The following KCTD17 variants were observed in gnomAD, a reference collection of about 807,000 sequenced individuals.
KCTD17 encodes potassium channel tetramerization domain containing 17, also known as BTB/POZ domain-containing protein KCTD17.
KCTD17 carries 20 observed loss-of-function variants against 41.5 expected under a neutral mutation model. The observed-to-expected ratio is 0.48, with a 90% CI of 0.34 to 0.70. KCTD17 has a LOEUF of 0.70. Ranked by LOEUF, KCTD17 falls within the 30% of genes least tolerant of loss-of-function variation. The pLI, the probability that KCTD17 is intolerant of heterozygous loss-of-function variation, is 0.01. For synonymous variants in KCTD17, 156 were observed against 173.8 expected (o/e 0.90, Z 0.80); for missense variants, 317 against 427.2 (o/e 0.74, Z 2.27).
At position 37,053,234 on chromosome 22, in the gene KCTD17, G is replaced by A; in HGVS notation, c.298+26G>A. On this transcript the variant is annotated intron_variant, in intron 2 of 8. Coordinates refer to ENST00000403888, the MANE Select transcript of KCTD17 (RefSeq NM_001282684.2). This position sits in a 1 kb window ranked among gnomAD's most constrained non-coding sequence, Gnocchi z 4.1. ...GTGAGTTGGTCCAGGGGGCTGGCCT[G>A]GACCTTATGCAGCCTGCCAGGGCCC... is the stretch of plus-strand genomic sequence containing the variant. The A allele has an allele frequency of 6.5e-7, 1 of 1,543,292 alleles. No homozygotes were observed. Among genetic ancestry groups the A allele is most frequent in the Middle Eastern group, 1.7e-4 (1 of 6,000 alleles).
chr22:37,057,619 G>A (rs1206661196), intron 4 of KCTD17, 126 bp downstream of exon 4: 1 of 703,804 alleles, frequency 1.4e-6, no homozygotes, highest in Non-Finnish European at 2.4e-6. Flanking sequence ...CCAACCCCAG[G>A]GTTCTTCTGA....
rs1925978811 is a variant in KCTD17, at chr22:37,063,064, AAC to A, written c.*473_*474del. On this transcript the variant is annotated 3_prime_UTR_variant, in exon 9 of 9. Coordinates refer to ENST00000403888, the MANE Select transcript of KCTD17 (RefSeq NM_001282684.2). This position sits in a 1 kb window ranked among gnomAD's most constrained non-coding sequence, Gnocchi z 4.6. ...AGGACCCAGCCCGACCCCTGGGCAT[AAC>A]ACTGTGTTTGCAAATGGAGATTCAG... 1 of 159,622 alleles carries A rather than the reference AAC, an allele frequency of 6.3e-6. No individual in the cohort carries two copies. The highest frequency in any genetic ancestry group is 1.9e-4 in the South Asian group (1 of 5,148). 9.9% of individuals were successfully genotyped at this position (159,622 alleles called of 1,614,324 possible).
rs752645202 is a variant in KCTD17 at position 37,059,303 on chromosome 22, G to C, written c.487-10G>C. Reference sequence around the variant, plus strand: ...ACCTGCATTTTTCTCCCCATGCTCCGCCCCTCTAGCTGGTGAACATCGGCT... The same window carrying C: ...ACCTGCATTTTTCTCCCCATGCTCCCCCCCTCTAGCTGGTGAACATCGGCT... On this transcript the variant is annotated splice_polypyrimidine_tract_variant and intron_variant, in intron 4 of 8. Transcript: ENST00000403888. 4 of 1,611,560 alleles carry C rather than the reference G, an allele frequency of 2.5e-6. No individual in the cohort carries two copies. Among genetic ancestry groups the C allele is most frequent in the Admixed American group, 3.3e-5 (2 of 59,976 alleles).
At position 37,057,136 on chromosome 22, in the gene KCTD17, A is replaced by G. The variant is rs150660811; in HGVS notation, c.391-262A>G. Among the ~76,000 whole-genome samples the G allele has an allele frequency of 5.5e-4, 83 of 152,274 alleles. 2 individuals carry two copies. The East Asian group carries it at 0.016, about 29-fold the overall frequency. On this transcript the variant is annotated intron_variant, in intron 3 of 8. Transcript: ENST00000403888. ...CCCTTGAGCTGGGTGACCTTGGGCA[A>G]GTAACTGGACCTCTCTGAGCCTCAA...
At chr22:37,057,363 C>A in intron 3 of KCTD17, 35 bp from the exon 4 acceptor site, 1 of 1,576,490 alleles carries the variant, frequency 6.3e-7, no homozygotes, top group Non-Finnish European at 8.7e-7. Flanking sequence ...CTGGTGCTCC[C>A]ACAGGTGCCC....
Position 37,062,509 on chromosome 22 carries a change from CCT to C in KCTD17, c.876-13_876-12del, listed in dbSNP as rs754259514. On this transcript the variant is annotated splice_polypyrimidine_tract_variant and intron_variant, in intron 8 of 8. Transcript: ENST00000403888. ...GCCCCTCCCATCCTCCTGCCCTTCC[CCT>C]CTTTTTTTTCTAGCTGTTACAAGCC... The C allele has an allele frequency of 6.5e-5, 104 of 1,611,870 alleles. No homozygotes were observed. Among genetic ancestry groups the C allele is most frequent in the Non-Finnish European group, 5.3e-5 (62 of 1,179,238 alleles).
chr22:37,061,018 C>A lies in KCTD17; in HGVS notation c.713-86C>A, dbSNP rs149632662. 921 of 1,548,348 alleles carry A rather than the reference C, an allele frequency of 5.9e-4. 7 individuals are homozygous for A. In the African/African-American group the frequency reaches 0.011, roughly 19 times the overall value. ...AGCTGCAGAACCGGGGGCCCCGGGG[C>A]TGCTGGGGGGGCACCAGGGTTAGCT... On this transcript the variant is annotated intron_variant, in intron 6 of 8. Transcript: ENST00000403888. The surrounding 1 kb of genome is among the most constrained non-coding windows in gnomAD (Gnocchi z 6.6).
In KCTD17 at chr22:37,061,333, C is replaced by T; in HGVS notation, c.784+158C>T. 2 of 1,491,448 alleles carry T rather than the reference C, an allele frequency of 1.3e-6. No individual in the cohort carries two copies. The highest frequency in any genetic ancestry group is 1.3e-5 in the South Asian group (1 of 75,416). The allele number at this position is 1,491,448 out of a possible 1,614,324, so 92.4% of individuals were successfully genotyped here. On this transcript the variant is annotated intron_variant, in intron 7 of 8. Transcript: ENST00000403888. The surrounding 1 kb of genome is among the most constrained non-coding windows in gnomAD (Gnocchi z 6.6). ...CCTCCCGTGCCCTCCACCCAGGCCC[C>T]CTGGCCCTGCATCCCAGAGCGTCCT...
rs766521424 is a variant in KCTD17 at position 37,062,462 on chromosome 22, C to A, written c.876-63C>A. Reference sequence around the variant, plus strand: ...TCCGCCCCCTTGCCCTGCATCACCCCCTCCTTACCGGCCCCACCTCCGCCC... The same window carrying A: ...TCCGCCCCCTTGCCCTGCATCACCCACTCCTTACCGGCCCCACCTCCGCCC... On this transcript the variant is annotated intron_variant, in intron 8 of 8. Coordinates refer to ENST00000403888, the MANE Select transcript of KCTD17 (RefSeq NM_001282684.2). The A allele has an allele frequency of 7.0e-6, 11 of 1,563,226 alleles. No individual in the cohort carries two copies. The East Asian group carries it at 1.2e-4, about 17-fold the overall frequency.
chr22:37,057,094 C>T (rs915858625), intron 3 of KCTD17, among the ~76,000 whole-genome samples: 3 of 152,152 alleles, frequency 2.0e-5, no homozygotes, highest in Admixed American at 1.3e-4. Context: ...ACCCGTGTTC[C>T]GGTTCTGTCT....
chr22:37,062,775 G>A lies in KCTD17; in HGVS notation c.*181G>A. On this transcript the variant is annotated 3_prime_UTR_variant, in exon 9 of 9. Coordinates refer to ENST00000403888, the MANE Select transcript of KCTD17 (RefSeq NM_001282684.2). ...GGGCCCCAGGACCTCTGGGCAGAGT[G>A]GACTGCTCATGGCAGATGTGTGGCA... The A allele has an allele frequency of 7.4e-7, 1 of 1,347,626 alleles. No individual in the cohort carries two copies. The highest frequency in any genetic ancestry group is 9.8e-7 in the Non-Finnish European group (1 of 1,018,660). 83.5% of individuals were successfully genotyped at this position (1,347,626 alleles called of 1,614,324 possible).
At position 37,061,312 on chromosome 22, in the gene KCTD17, C is replaced by T. The variant is rs1375000257; in HGVS notation, c.784+137C>T. The T allele has an allele frequency of 3.3e-6, 5 of 1,510,502 alleles. No homozygotes were observed. Among genetic ancestry groups the T allele is most frequent in the Admixed American group, 2.0e-5 (1 of 49,578 alleles). 93.6% of individuals were successfully genotyped at this position (1,510,502 alleles called of 1,614,324 possible). ...CCGGGTCTGCCCTGGTCCCAGCCTC[C>T]CGTGCCCTCCACCCAGGCCCCCTGG... is the stretch of plus-strand genomic sequence containing the variant. On this transcript the variant is annotated intron_variant, in intron 7 of 8. Coordinates refer to ENST00000403888, the MANE Select transcript of KCTD17 (RefSeq NM_001282684.2). This position sits in a 1 kb window ranked among gnomAD's most constrained non-coding sequence, Gnocchi z 6.6.
intron 8 of KCTD17, chr22:37,062,258 C>G (rs1417141570): frequency 2.0e-6 from 2 of 985,228 alleles, no homozygotes; most frequent in Non-Finnish European, 2.4e-6. Flanking sequence ...TGGCCGCCAC[C>G]GAGCCCAAGA....
At chr22:37,056,743 G>A (rs1925168770) in intron 3 of KCTD17, among the ~76,000 whole-genome samples, 1 of 152,184 alleles carries the variant, frequency 6.6e-6, no homozygotes, top group Non-Finnish European at 1.5e-5. Flanking sequence ...GGCAGAAGGG[G>A]GTCAGTGTGG....
intron 2 of KCTD17, among the ~76,000 whole-genome samples, chr22:37,055,952 A>C (rs184104897): frequency 6.6e-6 from 1 of 152,322 alleles, no homozygotes; most frequent in Non-Finnish European, 1.5e-5. Flanking sequence ...GTGCTTAATA[A>C]ATAGGAGCAC....
At position 37,062,095 on chromosome 22, in the gene KCTD17, A is replaced by T. The variant is rs1450880376; in HGVS notation, c.876-430A>T. 4 of 981,590 alleles carry T rather than the reference A, an allele frequency of 4.1e-6. 1 individual carries two copies. Among genetic ancestry groups the T allele is most frequent in the African/African-American group, 1.8e-5 (1 of 57,096 alleles). 60.8% of individuals were successfully genotyped at this position (981,590 alleles called of 1,614,324 possible). A position where few individuals can be genotyped will look rare whatever the true frequency, so the allele number is the denominator to read the frequency against. ...CCTGCTCTGTGACCTTGGGCAAGTC[A>T]CTGTCCCTCTCTGGGCCACAATTGC... On this transcript the variant is annotated intron_variant, in intron 8 of 8. Coordinates refer to ENST00000403888, the MANE Select transcript of KCTD17 (RefSeq NM_001282684.2).
At position 37,053,720 on chromosome 22, in the gene KCTD17, G is replaced by A. The variant is rs539272058; in HGVS notation, c.298+512G>A. Among the ~76,000 whole-genome samples, 1 of 152,212 alleles carries A rather than the reference G, an allele frequency of 6.6e-6. No individual in the cohort carries two copies. Among genetic ancestry groups the A allele is most frequent in the Non-Finnish European group, 1.5e-5 (1 of 68,018 alleles). On this transcript the variant is annotated intron_variant, in intron 2 of 8. Coordinates refer to ENST00000403888, the MANE Select transcript of KCTD17 (RefSeq NM_001282684.2). This position sits in a 1 kb window ranked among gnomAD's most constrained non-coding sequence, Gnocchi z 4.1. ...GTGCGGCACAGTGCTGGCTGTGGGT[G>A]GAGGCAGGAGAGGGGGGAGTCTGCT...
chr22:37,052,476 G>A (rs944884303), intron 1 of KCTD17: 1 of 457,158 alleles, frequency 2.2e-6, no homozygotes, highest in South Asian at 1.5e-5. Flanking sequence ...ACCTTGAGTC[G>A]GACCCTTCCC....
At chr22:37,058,951 T>G (rs1388206152) in intron 4 of KCTD17, among the ~76,000 whole-genome samples, 1 of 152,168 alleles carries the variant, frequency 6.6e-6, no homozygotes. Context: ...ACATCTGGAA[T>G]GGGGGACAGC....
Sources: allele counts gnomAD v4.1 joint callset (sites outside exome capture counted in the v4.1 genomes callset), GRCh38; gene constraint gnomAD v4.1.1; non-coding constraint Gnocchi (gnomAD v3.1); transcripts MANE v1.5; gene names NCBI Gene and HGNC (gene_info 2026-07-23, HGNC 2026-07-21).